The following ELF1 variants were observed in gnomAD, a reference collection of about 807,000 sequenced individuals.
ELF1 encodes E74 like ETS transcription factor 1.
ELF1 carries 24 observed loss-of-function variants against 59.9 expected under a neutral mutation model. The observed-to-expected ratio is 0.40, with a 90% CI of 0.29 to 0.56. ELF1 has a LOEUF of 0.56. Ranked by LOEUF, ELF1 falls within the 20% of genes least tolerant of loss-of-function variation. The pLI, the probability that ELF1 is intolerant of heterozygous loss-of-function variation, is 0.44. For synonymous variants in ELF1, 248 were observed against 266.2 expected (o/e 0.93, Z 0.67); for missense variants, 627 against 742.2 (o/e 0.84, Z 1.80).
chr13:41,032,582 G>A lies in ELF1; in HGVS notation c.-229+28256C>T, dbSNP rs186267729. Among the ~76,000 whole-genome samples the A allele has an allele frequency of 1.3e-4, 20 of 152,000 alleles. No homozygotes were observed. The East Asian group carries it at 3.7e-3, about 28-fold the overall frequency. On this transcript the variant is annotated intron_variant, in intron 1 of 1. Coordinates refer to the ELF1 transcript ENST00000405737. ...AAGGAGATTAAGAAAAAACAGGGCC[G>A]GGCACAGTGTCTCATGCCTATAATC... is the stretch of plus-strand genomic sequence containing the variant.
chr13:40,942,865 T>C, intron 7 of ELF1, 87 bp downstream of exon 7: 10 of 1,324,996 alleles, frequency 7.5e-6, no homozygotes, highest in Non-Finnish European at 1.0e-5. Context: ...CCACTATTGG[T>C]GCTTTGCTGA....
At chr13:40,941,897 G>A (rs562943040) in intron 7 of ELF1, among the ~76,000 whole-genome samples, 2 of 152,118 alleles carry the variant, frequency 1.3e-5, no homozygotes, top group East Asian at 1.9e-4. Flanking sequence ...AGGCTGAAAC[G>A]ATCCTTCCTT....
intron 3 of ELF1, 85 bp from the exon 4 acceptor site, chr13:40,951,521 G>C: frequency 1.1e-6 from 1 of 896,866 alleles, no homozygotes; most frequent in East Asian, 2.6e-5. Context: ...TCTAGAACCA[G>C]AATACATCAT....
In ELF1 at chr13:40,949,969, A is replaced by G. The variant is rs1326159469; in HGVS notation, c.366T>C (p.Asn122=). 6.2e-7 allele frequency: 1 copy of G among 1,606,100 alleles called. No homozygotes were observed. Among genetic ancestry groups the G allele is most frequent in the African/African-American group, 1.3e-5 (1 of 74,444 alleles). Residue 122 remains asparagine (N), a synonymous_variant, in exon 5 of 9, where the codon AAT becomes AAC. Coordinates refer to ENST00000239882, the MANE Select transcript of ELF1 (RefSeq NM_172373.4). ...CATCTTCAGGTGAACTAAATATATT[A>G]TTATCTAATGAAAATAAAATCAACT... The part of the protein sequence containing the change: ...GPMLDEKRIN[N]NIFSSPEDDM...
intron 1 of ELF1, among the ~76,000 whole-genome samples, chr13:41,016,434 G>A (rs1464493324): frequency 6.6e-6 from 1 of 152,118 alleles, no homozygotes; most frequent in South Asian, 2.1e-4. Context: ...TTCAAAGGAG[G>A]AGGAGAAGAT....
chr13:40,986,092 C>A (rs957681750), intron 1 of ELF1, among the ~76,000 whole-genome samples: 1 of 152,154 alleles, frequency 6.6e-6, no homozygotes, highest in Non-Finnish European at 1.5e-5. Context: ...AGGAGACATG[C>A]CACAGGAATA....
rs35703984 is a variant in ELF1 at position 41,001,873 on chromosome 13, G to GA, written c.-229+17354dup. ...CAAAACAGCAAGACCTTGCTTCAAA[G>GA]AAAAAAAAAAATGGGGATTGTCAGG... On this transcript the variant is annotated intron_variant, in intron 1 of 8. Transcript: ENST00000239882. 9.3e-3 allele frequency among the ~76,000 whole-genome samples: 1,349 copies of GA among 145,484 alleles called. 14 individuals carry two copies. The highest frequency in any genetic ancestry group is 0.014 in the South Asian group (66 of 4,614).
intron 1 of ELF1, among the ~76,000 whole-genome samples, chr13:40,986,104 T>C (rs936569798): frequency 1.3e-5 from 2 of 152,308 alleles, no homozygotes; most frequent in Non-Finnish European, 2.9e-5. Flanking sequence ...ACAGGAATAC[T>C]TAGCAACAAG....
chr13:41,000,408 G>C (rs1195608109), intron 1 of ELF1, among the ~76,000 whole-genome samples: 4 of 151,970 alleles, frequency 2.6e-5, no homozygotes, highest in African/African-American at 9.7e-5. Flanking sequence ...TTTTAGCAGA[G>C]ACGGGGTTTC....
rs373453950 is a variant in ELF1, at chr13:40,970,528, T to C, written c.72+11455A>G. On this transcript the variant is annotated intron_variant, in intron 2 of 8. Coordinates refer to ENST00000239882, the MANE Select transcript of ELF1 (RefSeq NM_172373.4). ...CTGTACAAGATGTTAGGCAGTGTTA[T>C]CTTTACATTGTATTCAAGACTAAGG... Among the ~76,000 whole-genome samples the C allele has an allele frequency of 7.2e-5, 11 of 152,240 alleles. 1 individual carries two copies. In the East Asian group the frequency reaches 1.5e-3, roughly 21 times the overall value.
intron 1 of ELF1, among the ~76,000 whole-genome samples, chr13:41,033,037 A>G (rs1253753779): frequency 6.6e-6 from 1 of 152,158 alleles, no homozygotes; most frequent in Admixed American, 6.5e-5. Flanking sequence ...TTAAAAAATT[A>G]CCCCTGCTAT....
chr13:40,941,020 A>G lies in ELF1; in HGVS notation c.1157T>C (p.Val386Ala). 1 of 1,614,168 alleles carries G rather than the reference A, an allele frequency of 6.2e-7. No individual in the cohort carries two copies. Among genetic ancestry groups the G allele is most frequent in the Admixed American group, 1.7e-5 (1 of 60,014 alleles). Residue 386 changes from valine to alanine, a missense_variant, in exon 8 of 9, where the codon GTT (valine) becomes GCT (alanine). Val to Ala is a moderately conservative substitution (Grantham distance 64). Transcript: ENST00000239882. ...SPYPTQLFRTVHVVQPVQAVP... is the reference protein window; with the variant it reads ...SPYPTQLFRTAHVVQPVQAVP... ...AGCCTGTACTGGCTGTACTACATGA[A>G]CAGTCCGGAAGAGCTGGGTAGGATA...
chr13:41,056,749 C>G (rs934973452), intron 1 of ELF1, among the ~76,000 whole-genome samples: 2 of 151,832 alleles, frequency 1.3e-5, no homozygotes, highest in Admixed American at 6.6e-5. Context: ...ATTTCAGATA[C>G]TAAGAAAATG....
At chr13:41,040,652 G>GAGAATCTAATGCTGC (rs1425947975) in intron 1 of ELF1, among the ~76,000 whole-genome samples, 1 of 152,118 alleles carries the variant, frequency 6.6e-6, no homozygotes, top group African/African-American at 2.4e-5. Context: ...ATATTCCTAT[G>GAGAATCTAATGCTGC]AGAATCTAAT....
At chr13:40,943,220 T>C (rs777436585) in intron 6 of ELF1, 76 bp from the exon 7 acceptor site, 27 of 1,252,644 alleles carry the variant, frequency 2.2e-5, no homozygotes, top group Non-Finnish European at 2.8e-5. Context: ...ACTAAAAGTC[T>C]TAGAAGTGCC....
At chr13:40,947,010 C>T (rs1353445014) in intron 5 of ELF1, among the ~76,000 whole-genome samples, 1 of 151,882 alleles carries the variant, frequency 6.6e-6, no homozygotes, top group Non-Finnish European at 1.5e-5. Flanking sequence ...AGAGATTCAT[C>T]CATTTTTGTT....
chr13:41,045,619 T>C (rs1876810695), intron 1 of ELF1, among the ~76,000 whole-genome samples: 1 of 152,266 alleles, frequency 6.6e-6, no homozygotes, highest in Non-Finnish European at 1.5e-5. Context: ...TCCTGAGTTC[T>C]ATTGATTGCA....
At chr13:40,956,258 G>T (rs1225564776) in intron 3 of ELF1, among the ~76,000 whole-genome samples, 1 of 151,872 alleles carries the variant, frequency 6.6e-6, no homozygotes, top group Non-Finnish European at 1.5e-5. Flanking sequence ...GGATCCTGTT[G>T]ATCTGTGACC....
At chr13:40,943,247 A>G in intron 6 of ELF1, 103 bp from the exon 7 acceptor site, 1 of 1,004,654 alleles carries the variant, frequency 1.0e-6, no homozygotes, top group Non-Finnish European at 1.4e-6. Flanking sequence ...ATTTATACAA[A>G]AATATTACAT....
Sources: allele counts gnomAD v4.1 joint callset (sites outside exome capture counted in the v4.1 genomes callset), GRCh38; gene constraint gnomAD v4.1.1; transcripts MANE v1.5; gene names NCBI Gene and HGNC (gene_info 2026-07-23, HGNC 2026-07-21).